SKIC3: variants seen among roughly 807,000 people sequenced by gnomAD.
SKIC3 encodes superkiller complex protein 3.
At chr5:95,502,237 T>C in the SKIC3 span, among the ~76,000 whole-genome samples, 1 of 152,000 alleles carries the variant, frequency 6.6e-6, no homozygotes, top group Non-Finnish European at 1.5e-5. Context: ...TGGGAGGATA[T>C]CTCTGTACCA....
chr5:95,477,929 T>C, the SKIC3 span, among the ~76,000 whole-genome samples: 2 of 152,210 alleles, frequency 1.3e-5, no homozygotes, highest in Admixed American at 6.5e-5. Flanking sequence ...TTAGAGAATG[T>C]TGAATTGAAA....
the SKIC3 span, among the ~76,000 whole-genome samples, chr5:95,465,073 G>A: frequency 1.3e-5 from 2 of 151,342 alleles, no homozygotes. Flanking sequence ...GATTACAGGC[G>A]CCCACCACCA....
chr5:95,535,143 G>C, the SKIC3 span, among the ~76,000 whole-genome samples: 1 of 151,868 alleles, frequency 6.6e-6, no homozygotes, highest in Non-Finnish European at 1.5e-5. Flanking sequence ...AATCTGTCCT[G>C]CACACCATGT....
chr5:95,511,916 A>T, the SKIC3 span, among the ~76,000 whole-genome samples: 16 of 152,244 alleles, frequency 1.1e-4, no homozygotes, highest in Non-Finnish European at 2.4e-4. Flanking sequence ...CGGAATTATT[A>T]CAACAGATGG....
chr5:95,490,972 C>T, the SKIC3 span: 2 of 1,614,086 alleles, frequency 1.2e-6, no homozygotes, highest in South Asian at 2.2e-5. Flanking sequence ...GAGTGTTGTT[C>T]ACTAAGGCCA....
At chr5:95,498,750 C>A in the SKIC3 span, among the ~76,000 whole-genome samples, 69 of 152,158 alleles carry the variant, frequency 4.5e-4, 1 homozygote, top group Middle Eastern at 3.4e-3. Flanking sequence ...CTCAGCCTCC[C>A]GAGTAGCTGG....
chr5:95,551,069 T>C, the SKIC3 span, among the ~76,000 whole-genome samples: 5 of 152,296 alleles, frequency 3.3e-5, no homozygotes, highest in Non-Finnish European at 7.4e-5. Context: ...AGCCTAATTA[T>C]ATTAGAATAG....
the SKIC3 span, chr5:95,467,833 C>A: frequency 2.2e-5 from 36 of 1,612,246 alleles, 1 homozygote; most frequent in South Asian, 3.9e-4. Flanking sequence ...AAAATCAATG[C>A]CTCAAACATT....
At chr5:95,499,644 G>A in the SKIC3 span, among the ~76,000 whole-genome samples, 1 of 152,042 alleles carries the variant, frequency 6.6e-6, no homozygotes, top group African/African-American at 2.4e-5. Context: ...TAAAATCTTA[G>A]AAGGTATAAA....
chr5:95,541,111 C>A, the SKIC3 span, among the ~76,000 whole-genome samples: 1 of 152,194 alleles, frequency 6.6e-6, no homozygotes, highest in African/African-American at 2.4e-5. Flanking sequence ...GTATTACAGG[C>A]ATGCGCCACC....
the SKIC3 span, chr5:95,498,366 T>C: frequency 6.2e-7 from 1 of 1,613,952 alleles, no homozygotes. Flanking sequence ...AATACAGAAT[T>C]TACCTGTGAA....
At chr5:95,549,319 G>A in the SKIC3 span, among the ~76,000 whole-genome samples, 1 of 151,992 alleles carries the variant, frequency 6.6e-6, no homozygotes, top group African/African-American at 2.4e-5. Context: ...TTAAACAGAA[G>A]AAAATTAGGT....
chr5:95,541,229 G>C, the SKIC3 span: 2 of 1,390,312 alleles, frequency 1.4e-6, no homozygotes, highest in Admixed American at 1.7e-5. Flanking sequence ...GCCTCCCAAA[G>C]TGCTGGGATT....
At chr5:95,547,194 C>A in the SKIC3 span, 2 of 1,563,418 alleles carry the variant, frequency 1.3e-6, no homozygotes, top group South Asian at 2.2e-5. Flanking sequence ...GTAATACCTA[C>A]CCAATCGTAA....
chr5:95,540,759 T>C, the SKIC3 span: 5 of 1,614,016 alleles, frequency 3.1e-6, no homozygotes, highest in African/African-American at 1.3e-5. Context: ...TTCTCCATAG[T>C]TGATGAAGCT....
chr5:95,484,573 G>A, the SKIC3 span: 10 of 1,060,720 alleles, frequency 9.4e-6, no homozygotes, highest in Middle Eastern at 2.2e-4. Flanking sequence ...TCTCAAACTC[G>A]TGGCCTCAAG....
the SKIC3 span, chr5:95,547,077 G>C: frequency 3.1e-6 from 5 of 1,613,088 alleles, no homozygotes; most frequent in Non-Finnish European, 4.2e-6. Flanking sequence ...GTGTTTCAAA[G>C]CTTCTTTGTA....
the SKIC3 span, among the ~76,000 whole-genome samples, chr5:95,541,076 C>A: frequency 6.6e-6 from 1 of 152,158 alleles, no homozygotes; most frequent in African/African-American, 2.4e-5. Flanking sequence ...AAGCAATTCT[C>A]CTGCCTCAGC....
the SKIC3 span, chr5:95,520,870 T>A: frequency 7.9e-7 from 1 of 1,268,550 alleles, no homozygotes; most frequent in Non-Finnish European, 1.1e-6. Context: ...AATAAACACT[T>A]AAAATGAACT....
Sources: allele counts gnomAD v4.1 joint callset (sites outside exome capture counted in the v4.1 genomes callset), GRCh38; gene constraint gnomAD v4.1.1; transcripts MANE v1.5; gene names NCBI Gene and HGNC (gene_info 2026-07-23, HGNC 2026-07-21).